Variants in XRCC4 observed in about 807,000 individuals in gnomAD.
XRCC4 encodes DNA repair protein XRCC4.
A neutral mutation model predicts 39.1 loss-of-function variants in XRCC4; 28 were observed. The ratio of observed to expected loss-of-function variants is 0.72; its 90% CI spans 0.53 to 0.98. XRCC4 has a LOEUF of 0.98. Ranked by LOEUF, XRCC4 falls within the 50% of genes least tolerant of loss-of-function variation. The pLI is 0.00. For synonymous variants in XRCC4, 123 were observed against 126.4 expected (o/e 0.97, Z 0.18); for missense variants, 350 against 376.4 (o/e 0.93, Z 0.58).
intron 7 of XRCC4, among the ~76,000 whole-genome samples, chr5:83,276,602 C>T (rs1754344814): frequency 6.6e-6 from 1 of 152,116 alleles, no homozygotes; most frequent in East Asian, 1.9e-4. Context: ...AGGCTTCACC[C>T]ACACAAATGG....
intron 7 of XRCC4, among the ~76,000 whole-genome samples, chr5:83,262,511 A>T (rs1753788630): frequency 6.6e-6 from 1 of 152,082 alleles, no homozygotes; most frequent in Non-Finnish European, 1.5e-5. Flanking sequence ...GAGAGAAATG[A>T]CTTCAGTTAA....
At chr5:83,215,002 T>G (rs1463073235) in intron 6 of XRCC4, among the ~76,000 whole-genome samples, 6 of 151,998 alleles carry the variant, frequency 3.9e-5, no homozygotes, top group Admixed American at 3.9e-4. Context: ...AAAGAAGACT[T>G]AAGTAAATGG....
chr5:83,298,953 A>G lies in XRCC4; in HGVS notation c.893+40276A>G, dbSNP rs375152314. Among the ~76,000 whole-genome samples, 522 of 152,148 alleles carry G rather than the reference A, an allele frequency of 3.4e-3. 30 individuals carry two copies. In the South Asian group the frequency reaches 0.1, roughly 30 times the overall value. ...AATTAATTCTGTCTGTTTCTAAAGAATAAGACATTCTTATTGTTATTTTAT... is the reference window on the plus strand; with the variant it reads ...AATTAATTCTGTCTGTTTCTAAAGAGTAAGACATTCTTATTGTTATTTTAT... On this transcript the variant is annotated intron_variant, in intron 7 of 7. Transcript: ENST00000396027.
At chr5:83,290,430 T>C (rs892491727) in intron 7 of XRCC4, among the ~76,000 whole-genome samples, 14 of 151,006 alleles carry the variant, frequency 9.3e-5, no homozygotes, top group African/African-American at 3.4e-4. Context: ...ATTTTATAAA[T>C]ATTTATAACA....
At chr5:83,232,210 C>A (rs1272017532) in intron 6 of XRCC4, among the ~76,000 whole-genome samples, 2 of 152,084 alleles carry the variant, frequency 1.3e-5, no homozygotes, top group Non-Finnish European at 2.9e-5. Context: ...ACCAAAATCA[C>A]CTTTTACAAA....
At chr5:83,164,607 G>C (rs1749372622) in intron 3 of XRCC4, among the ~76,000 whole-genome samples, 1 of 152,040 alleles carries the variant, frequency 6.6e-6, no homozygotes, top group African/African-American at 2.4e-5. Flanking sequence ...GAGAATGTGA[G>C]GTAATTGATA....
At chr5:83,133,154 C>G (rs1747689547) in intron 3 of XRCC4, among the ~76,000 whole-genome samples, 1 of 152,156 alleles carries the variant, frequency 6.6e-6, no homozygotes, top group Non-Finnish European at 1.5e-5. Flanking sequence ...TGGAGGTCCA[C>G]TCCGGACTCT....
chr5:83,163,103 C>T (rs982023834), intron 3 of XRCC4, among the ~76,000 whole-genome samples: 5 of 151,900 alleles, frequency 3.3e-5, no homozygotes, highest in African/African-American at 1.2e-4. Context: ...TGTGCCACCA[C>T]ATCTGGCTAA....
chr5:83,270,570 T>C (rs1754106051), intron 7 of XRCC4, among the ~76,000 whole-genome samples: 1 of 152,040 alleles, frequency 6.6e-6, no homozygotes, highest in Non-Finnish European at 1.5e-5. Context: ...ATAGTGAACT[T>C]CTGAAAACAC....
At chr5:83,165,974 C>G (rs1749452798) in intron 3 of XRCC4, among the ~76,000 whole-genome samples, 1 of 151,754 alleles carries the variant, frequency 6.6e-6, no homozygotes, top group African/African-American at 2.4e-5. Flanking sequence ...CAACCTCCAC[C>G]CCCTGGGTCC....
chr5:83,094,507 G>T (rs1417613902), intron 1 of XRCC4, among the ~76,000 whole-genome samples: 1 of 150,156 alleles, frequency 6.7e-6, no homozygotes, highest in Non-Finnish European at 1.5e-5. Context: ...TCTTTCTTCA[G>T]CTTCCTCAAG....
At chr5:83,134,902 C>G (rs751546121) in intron 3 of XRCC4, among the ~76,000 whole-genome samples, 1 of 152,082 alleles carries the variant, frequency 6.6e-6, no homozygotes, top group Non-Finnish European at 1.5e-5. Context: ...ACACTGACCG[C>G]GAAGGTCTGC....
At chr5:83,234,914 T>C (rs1190846040) in intron 6 of XRCC4, among the ~76,000 whole-genome samples, 1 of 151,694 alleles carries the variant, frequency 6.6e-6, no homozygotes, top group East Asian at 1.9e-4. Flanking sequence ...TTGTATATGA[T>C]GTAGAATATA....
At chr5:83,229,318 G>C (rs1402072168) in intron 6 of XRCC4, among the ~76,000 whole-genome samples, 4 of 151,950 alleles carry the variant, frequency 2.6e-5, no homozygotes, top group African/African-American at 9.7e-5. Context: ...ATGACTGCAA[G>C]GTACATTAAC....
chr5:83,103,926 T>G (rs1347277403), intron 1 of XRCC4, among the ~76,000 whole-genome samples: 1 of 152,212 alleles, frequency 6.6e-6, no homozygotes, highest in Non-Finnish European at 1.5e-5. Context: ...AGTGTGAGAA[T>G]GAATTTTGGG....
At chr5:83,080,043 G>A (rs949303615) in intron 1 of XRCC4, among the ~76,000 whole-genome samples, 1 of 152,198 alleles carries the variant, frequency 6.6e-6, no homozygotes, top group African/African-American at 2.4e-5. Flanking sequence ...TAAGCACTCA[G>A]AAAGTGTTGG....
chr5:83,110,989 TA>T, intron 2 of XRCC4, 38 bp from the exon 3 acceptor site: 1 of 1,567,050 alleles, frequency 6.4e-7, no homozygotes, highest in Non-Finnish European at 8.6e-7. Flanking sequence ...TGTAGTCATT[TA>T]CTTTTCATTT....
intron 1 of XRCC4, among the ~76,000 whole-genome samples, chr5:83,090,712 A>G (rs1366504741): frequency 6.6e-6 from 1 of 152,128 alleles, no homozygotes; most frequent in East Asian, 1.9e-4. Flanking sequence ...TCACTTCATT[A>G]TTATAAACTC....
At chr5:83,271,542 A>G (rs1158421552) in intron 7 of XRCC4, among the ~76,000 whole-genome samples, 1 of 152,216 alleles carries the variant, frequency 6.6e-6, no homozygotes, top group Non-Finnish European at 1.5e-5. Flanking sequence ...ACAGTAAGAC[A>G]TATTACTTTA....
Sources: gnomAD v4.1 joint callset for allele counts (sites outside exome capture counted in the v4.1 genomes callset) on GRCh38, gnomAD v4.1.1 for gene constraint, MANE v1.5 for transcripts, NCBI Gene and HGNC (gene_info 2026-07-23, HGNC 2026-07-21) for gene names.